Variants in AK9 observed in about 807,000 individuals in gnomAD.
AK9 encodes adenylate kinase domain containing 1.
AK9 carries 191 observed loss-of-function variants against 239.6 expected under a neutral mutation model. The observed-to-expected ratio is 0.80, with a 90% confidence interval of 0.71 to 0.90. The LOEUF is 0.90. Ranked by LOEUF, AK9 falls within the 40% of genes least tolerant of loss-of-function variation. AK9 has a pLI of 0.00. For synonymous variants in AK9, 689 were observed against 721.0 expected (o/e 0.96, Z 0.71); for missense variants, 1,995 against 2,214.7 (o/e 0.90, Z 1.99).
Position 109,586,086 on chromosome 6 carries a change from T to C in AK9, c.1843-14A>G. On this transcript the variant is annotated splice_polypyrimidine_tract_variant and intron_variant, in intron 17 of 40. Coordinates refer to ENST00000424296, the MANE Select transcript of AK9 (RefSeq NM_001145128.3). The stretch of plus-strand genomic sequence containing the variant: ...TTCTTCCATTACCTGTGAAAAATTG[T>C]ACACTGATATTACTATCATAGCTTG... 4.5e-6 allele frequency: 7 copies of C among 1,547,304 alleles called. No homozygotes were observed. The highest frequency in any genetic ancestry group is 1.7e-6 in the Non-Finnish European group (2 of 1,145,312).
At chr6:109,501,315 C>G (rs1299363543) in intron 35 of AK9, among the ~76,000 whole-genome samples, 1 of 152,048 alleles carries the variant, frequency 6.6e-6, no homozygotes, top group Non-Finnish European at 1.5e-5. Context: ...GTGTGGGGGT[C>G]CAGGAGATGA....
At chr6:109,648,660 G>A in intron 8 of AK9, among the ~76,000 whole-genome samples, 1 of 152,146 alleles carries the variant, frequency 6.6e-6, no homozygotes, top group Non-Finnish European at 1.5e-5. Context: ...TCTACCAAAG[G>A]TACAAAGAGG....
chr6:109,616,836 T>C (rs992587776), intron 13 of AK9, among the ~76,000 whole-genome samples: 1 of 152,062 alleles, frequency 6.6e-6, no homozygotes, highest in African/African-American at 2.4e-5. Context: ...GAAATAAATA[T>C]AAGTATTGGA....
chr6:109,498,992 G>T (rs1777339508), intron 36 of AK9, 52 bp downstream of exon 36: 2 of 1,358,254 alleles, frequency 1.5e-6, no homozygotes, highest in Non-Finnish European at 1.9e-6. Context: ...TTGATTCCAA[G>T]ATAAGACATT....
chr6:109,670,917 T>A (rs1201962944), intron 5 of AK9, among the ~76,000 whole-genome samples: 1 of 152,110 alleles, frequency 6.6e-6, no homozygotes, highest in East Asian at 1.9e-4. Flanking sequence ...AGAAACCTTA[T>A]CTACTTATAA....
chr6:109,669,295 C>T (rs1445272429), intron 5 of AK9, among the ~76,000 whole-genome samples: 8 of 152,038 alleles, frequency 5.3e-5, no homozygotes, highest in African/African-American at 9.7e-5. Flanking sequence ...TGGGCTGAGA[C>T]GATGGGGTTT....
At chr6:109,582,285 T>C (rs751863980) in intron 19 of AK9, among the ~76,000 whole-genome samples, 1 of 152,202 alleles carries the variant, frequency 6.6e-6, no homozygotes, top group East Asian at 1.9e-4. Context: ...ACAGCTGTCA[T>C]AGATAGTGAT....
intron 10 of AK9, among the ~76,000 whole-genome samples, chr6:109,638,218 T>C (rs1796958267): frequency 1.3e-5 from 2 of 152,222 alleles, no homozygotes. Context: ...GTTTTATAGA[T>C]ACTTTTTCTC....
At chr6:109,550,391 TTAATC>T in intron 24 of AK9, 89 bp from the exon 25 acceptor site, 1 of 1,197,408 alleles carries the variant, frequency 8.4e-7, no homozygotes. Flanking sequence ...TGAATAATAT[TTAATC>T]TGTAGCAACT....
chr6:109,643,963 T>G (rs1262084172), intron 9 of AK9, among the ~76,000 whole-genome samples: 1 of 152,168 alleles, frequency 6.6e-6, no homozygotes, highest in Non-Finnish European at 1.5e-5. Context: ...GGTTTTGTCT[T>G]TATGCTATGA....
At chr6:109,508,227 ATTG>A (rs1189829303) in intron 33 of AK9, among the ~76,000 whole-genome samples, 3 of 152,150 alleles carry the variant, frequency 2.0e-5, no homozygotes, top group East Asian at 1.9e-4. Flanking sequence ...TGAGGGTGCA[ATTG>A]TTGTTTTTTT....
intron 29 of AK9, among the ~76,000 whole-genome samples, chr6:109,523,285 T>C (rs75687184): frequency 6.6e-6 from 1 of 152,106 alleles, no homozygotes; most frequent in African/African-American, 2.4e-5. Context: ...ATTTTTTTTT[T>C]CATTTTTCTG....
At chr6:109,673,883 T>A (rs1020784214) in intron 3 of AK9, among the ~76,000 whole-genome samples, 1 of 151,260 alleles carries the variant, frequency 6.6e-6, no homozygotes, top group East Asian at 1.9e-4. Context: ...ACCTGTAATC[T>A]AGTACTTTGG....
intron 26 of AK9, among the ~76,000 whole-genome samples, 193 bp downstream of exon 26, chr6:109,545,674 T>A (rs1219301971): frequency 1.3e-5 from 2 of 152,124 alleles, no homozygotes; most frequent in African/African-American, 4.8e-5. Context: ...TATGTCTTTG[T>A]CAGCAGTGTG....
rs144885857 is a variant in AK9, at chr6:109,625,136, G to A, written c.1255-5900C>T. 3.0e-3 allele frequency among the ~76,000 whole-genome samples: 450 copies of A among 152,126 alleles called. 1 individual carries two copies. The highest frequency in any genetic ancestry group is 0.01 in the African/African-American group (431 of 41,496). ...GTTAATAATTGGAAGCTTCATTTGC[G>A]TGAGTATTGTTTGTTTAGTGTTTAG... On this transcript the variant is annotated intron_variant, in intron 12 of 40. Coordinates refer to ENST00000424296, the MANE Select transcript of AK9 (RefSeq NM_001145128.3).
rs376267541 is a variant in AK9, at chr6:109,497,384, T to TCTCA, written c.5315+80_5315+81insTGAG. ...CACACTCTCTCTCTCTCTCTCTCTC[T>TCTCA]CACACACTCCTCTCCCCCGTTCCCA... On this transcript the variant is annotated intron_variant, in intron 38 of 40. Coordinates refer to ENST00000424296, the MANE Select transcript of AK9 (RefSeq NM_001145128.3). 421 of 500,174 alleles carry TCTCA rather than the reference T, an allele frequency of 8.4e-4. 3 individuals carry two copies. The highest frequency in any genetic ancestry group is 8.0e-3 in the African/African-American group (384 of 47,864). The allele number at this position is 500,174 out of a possible 1,614,324, so 31.0% of individuals were successfully genotyped here.
At chr6:109,641,349 C>T (rs374121171) in intron 10 of AK9, among the ~76,000 whole-genome samples, 169 bp downstream of exon 10, 122 of 124,364 alleles carry the variant, frequency 9.8e-4, no homozygotes, top group African/African-American at 3.4e-3. Flanking sequence ...TTCTTTCTTT[C>T]TTTTTTTTTT....
Position 109,515,899 on chromosome 6 carries a change from G to A in AK9, c.4023C>T (p.Thr1341=). The change falls in exon 31 of 41, where the codon ACC becomes ACT. Residue 1341 remains threonine, a synonymous_variant. Coordinates refer to ENST00000424296, the MANE Select transcript of AK9 (RefSeq NM_001145128.3). ...APLAQKMLTF[T]YKYISSFGYW... The stretch of plus-strand genomic sequence containing the variant: ...AGCCGAATGAGCTTATATACTTGTA[G>A]GTAAAGGTGAGCATTTTCTGGGCAA... 8.4e-6 allele frequency: 13 copies of A among 1,551,710 alleles called. No homozygotes were observed. Among genetic ancestry groups the A allele is most frequent in the Non-Finnish European group, 9.6e-6 (11 of 1,146,886 alleles).
chr6:109,548,307 C>T (rs895695103), intron 25 of AK9, among the ~76,000 whole-genome samples: 1 of 151,950 alleles, frequency 6.6e-6, no homozygotes, highest in African/African-American at 2.4e-5. Flanking sequence ...GTTTGAGGCA[C>T]TAAGAAAGAT....
Sources: allele counts gnomAD v4.1 joint callset (sites outside exome capture counted in the v4.1 genomes callset), GRCh38; gene constraint gnomAD v4.1.1; transcripts MANE v1.5; gene names NCBI Gene and HGNC (gene_info 2026-07-23, HGNC 2026-07-21).